SGCZ: variants seen among roughly 807,000 people sequenced by gnomAD.
SGCZ encodes the protein sarcoglycan zeta, also known as zeta-sarcoglycan.
A neutral mutation model predicts 41.3 loss-of-function variants in SGCZ; 40 were observed. The observed-to-expected ratio is 0.97, with a 90% CI of 0.75 to 1.26. SGCZ has a LOEUF of 1.26. Ranked by LOEUF, SGCZ falls within the 50% of genes most tolerant of loss-of-function variation. The pLI is 0.00. For synonymous variants in SGCZ, 206 were observed against 137.5 expected (o/e 1.50, Z -3.49); for missense variants, 552 against 369.8 (o/e 1.49, Z -4.04).
At chr8:14,781,100 A>G (rs1800574460) in intron 1 of SGCZ, among the ~76,000 whole-genome samples, 1 of 152,222 alleles carries the variant, frequency 6.6e-6, no homozygotes, top group East Asian at 1.9e-4. Flanking sequence ...ATTCTGACTC[A>G]GTATTACCAT....
chr8:14,822,371 A>G (rs982695594), intron 1 of SGCZ, among the ~76,000 whole-genome samples: 1 of 152,232 alleles, frequency 6.6e-6, no homozygotes, highest in African/African-American at 2.4e-5. Context: ...TTCCACATTC[A>G]TGAACTGGAA....
At chr8:14,099,872 A>C (rs1282025461) in intron 7 of SGCZ, among the ~76,000 whole-genome samples, 2 of 149,862 alleles carry the variant, frequency 1.3e-5, no homozygotes, top group Admixed American at 6.6e-5. Flanking sequence ...AATACTTTAC[A>C]ATACTATGCC....
At chr8:14,247,871 A>C (rs1232703866) in intron 3 of SGCZ, among the ~76,000 whole-genome samples, 1 of 152,220 alleles carries the variant, frequency 6.6e-6, no homozygotes, top group African/African-American at 2.4e-5. Context: ...CTGCATGTTG[A>C]CTAAGTAGAA....
intron 2 of SGCZ, among the ~76,000 whole-genome samples, chr8:14,547,232 G>T (rs1803657061): frequency 7.9e-5 from 12 of 152,084 alleles, no homozygotes; most frequent in Admixed American, 7.9e-4. Flanking sequence ...TTATTATCCA[G>T]ACAATTTGTA....
chr8:14,198,663 T>C (rs779755398), intron 4 of SGCZ, among the ~76,000 whole-genome samples: 2 of 152,120 alleles, frequency 1.3e-5, no homozygotes, highest in Non-Finnish European at 2.9e-5. Context: ...GTTATAAAAT[T>C]GTGCTGCTAA....
intron 1 of SGCZ, among the ~76,000 whole-genome samples, chr8:14,998,993 G>C (rs1232162935): frequency 6.6e-6 from 1 of 152,132 alleles, no homozygotes; most frequent in East Asian, 1.9e-4. Flanking sequence ...GGTACACTTG[G>C]ATTTAATATC....
chr8:15,193,487 C>G (rs1800608788), intron 1 of SGCZ, among the ~76,000 whole-genome samples: 1 of 152,006 alleles, frequency 6.6e-6, no homozygotes, highest in African/African-American at 2.4e-5. Flanking sequence ...TAGGTACTGT[C>G]AAATGGTACT....
intron 4 of SGCZ, among the ~76,000 whole-genome samples, chr8:14,200,385 T>C (rs1319073924): frequency 6.6e-6 from 1 of 152,192 alleles, no homozygotes; most frequent in Non-Finnish European, 1.5e-5. Flanking sequence ...GAAAATTGAA[T>C]AATCTAAAAT....
chr8:14,260,074 A>G (rs1799601698), intron 3 of SGCZ, among the ~76,000 whole-genome samples: 1 of 152,108 alleles, frequency 6.6e-6, no homozygotes, highest in Admixed American at 6.6e-5. Context: ...TCTTTGAAGC[A>G]ATTGTGAATG....
chr8:14,244,680 G>C (rs1237033280), intron 3 of SGCZ, among the ~76,000 whole-genome samples: 1 of 151,486 alleles, frequency 6.6e-6, no homozygotes, highest in Non-Finnish European at 1.5e-5. Flanking sequence ...AAATTATCTT[G>C]GGCAGTATGG....
At chr8:14,392,604 G>C (rs73520245) in intron 2 of SGCZ, among the ~76,000 whole-genome samples, 1,838 of 152,170 alleles carry the variant, frequency 0.012, 41 homozygotes, top group African/African-American at 0.041. Context: ...ACTGGTACCA[G>C]GTCTATTTTT....
At chr8:14,391,321 C>G (rs1237801226) in intron 2 of SGCZ, among the ~76,000 whole-genome samples, 2 of 151,660 alleles carry the variant, frequency 1.3e-5, no homozygotes, top group African/African-American at 2.4e-5. Context: ...AAGTTGTATA[C>G]AATTATTACA....
chr8:15,072,181 C>T (rs1288182891), intron 1 of SGCZ, among the ~76,000 whole-genome samples: 2 of 152,098 alleles, frequency 1.3e-5, no homozygotes, highest in African/African-American at 4.8e-5. Flanking sequence ...CATGTCTCGT[C>T]CCCAGTAAAG....
At chr8:14,717,026 T>G (rs1809712079) in intron 1 of SGCZ, among the ~76,000 whole-genome samples, 1 of 152,108 alleles carries the variant, frequency 6.6e-6, no homozygotes, top group African/African-American at 2.4e-5. Context: ...TAAAATCCAC[T>G]GAGAAACTAC....
At chr8:14,815,926 T>C (rs1040089799) in intron 1 of SGCZ, among the ~76,000 whole-genome samples, 1 of 152,218 alleles carries the variant, frequency 6.6e-6, no homozygotes, top group Admixed American at 6.5e-5. Flanking sequence ...TATTTGATGT[T>C]GGTCCACCCT....
chr8:14,437,751 G>T (rs1363175051), intron 2 of SGCZ, among the ~76,000 whole-genome samples: 1 of 151,418 alleles, frequency 6.6e-6, no homozygotes, highest in Non-Finnish European at 1.5e-5. Context: ...AATTTTTATT[G>T]TTGCCTGACT....
chr8:14,127,746 G>A (rs754213220), intron 5 of SGCZ, among the ~76,000 whole-genome samples: 5 of 152,094 alleles, frequency 3.3e-5, no homozygotes, highest in East Asian at 1.9e-4. Context: ...ATGAGCCACC[G>A]CGCCTGGCCT....
At chr8:15,068,866 T>C (rs1805248773) in intron 1 of SGCZ, among the ~76,000 whole-genome samples, 1 of 152,218 alleles carries the variant, frequency 6.6e-6, no homozygotes, top group South Asian at 2.1e-4. Context: ...TGTTGATTTA[T>C]TTGAGTCCAA....
At chr8:14,828,298 G>T (rs1360966173) in intron 1 of SGCZ, among the ~76,000 whole-genome samples, 2 of 152,118 alleles carry the variant, frequency 1.3e-5, no homozygotes, top group African/African-American at 4.8e-5. Context: ...ATGTCAATTT[G>T]CAAGGAAAAA....
Sources: gnomAD v4.1 joint callset for allele counts (sites outside exome capture counted in the v4.1 genomes callset) on GRCh38, gnomAD v4.1.1 for gene constraint, MANE v1.5 for transcripts, NCBI Gene and HGNC (gene_info 2026-07-23, HGNC 2026-07-21) for gene names.